NKAIN2: variants seen among roughly 807,000 people sequenced by gnomAD.
The protein encoded by NKAIN2 is sodium/potassium transporting ATPase interacting 2, also known as sodium/potassium-transporting ATPase subunit beta-1-interacting protein 2.
Under a neutral mutation model 32.6 loss-of-function variants are expected in NKAIN2, and 14 were observed. The observed-to-expected ratio is 0.43, with a 90% CI of 0.28 to 0.67. The LOEUF is 0.67. Ranked by LOEUF, NKAIN2 falls within the 30% of genes least tolerant of loss-of-function variation. The pLI is 0.17. For synonymous variants in NKAIN2, 80 were observed against 87.2 expected (o/e 0.92, Z 0.46); for missense variants, 198 against 258.3 (o/e 0.77, Z 1.60).
At chr6:123,931,689 A>T (rs902915025) in intron 1 of NKAIN2, among the ~76,000 whole-genome samples, 2 of 152,098 alleles carry the variant, frequency 1.3e-5, no homozygotes, top group Non-Finnish European at 1.5e-5. Flanking sequence ...AAAGGATTTT[A>T]GGTAGTCTAT....
intron 1 of NKAIN2, among the ~76,000 whole-genome samples, chr6:124,198,214 G>A (rs546289590): frequency 2.1e-3 from 318 of 152,068 alleles, no homozygotes; most frequent in Non-Finnish European, 2.9e-3. Flanking sequence ...CGCTGGCCCC[G>A]CTTTTAGCCA....
At chr6:123,869,593 C>T (rs984583531) in intron 1 of NKAIN2, among the ~76,000 whole-genome samples, 14 of 152,146 alleles carry the variant, frequency 9.2e-5, no homozygotes, top group African/African-American at 2.9e-4. Flanking sequence ...TACAGGGACA[C>T]GTTTGAAGTC....
chr6:124,037,897 G>T (rs183940179), intron 1 of NKAIN2, among the ~76,000 whole-genome samples: 406 of 152,274 alleles, frequency 2.7e-3, no homozygotes, highest in Middle Eastern at 6.8e-3. Flanking sequence ...CCAGGTGAAA[G>T]CCTATGTTCA....
intron 1 of NKAIN2, among the ~76,000 whole-genome samples, chr6:124,038,890 G>T (rs1455318728): frequency 6.6e-6 from 1 of 152,056 alleles, no homozygotes; most frequent in Non-Finnish European, 1.5e-5. Context: ...GTACCAGAAC[G>T]AGGGTGTTTA....
intron 3 of NKAIN2, among the ~76,000 whole-genome samples, chr6:124,438,439 T>G (rs940728969): frequency 1.3e-5 from 2 of 152,212 alleles, no homozygotes; most frequent in Non-Finnish European, 2.9e-5. Context: ...GTTTTGTTTA[T>G]TCAACCTCTA....
chr6:124,496,085 G>A (rs921739535), intron 3 of NKAIN2, among the ~76,000 whole-genome samples: 16 of 152,066 alleles, frequency 1.1e-4, no homozygotes, highest in Non-Finnish European at 1.8e-4. Context: ...CTCTGAGCAT[G>A]CTATCTCAAT....
At chr6:124,430,049 A>G (rs1775149043) in intron 3 of NKAIN2, among the ~76,000 whole-genome samples, 1 of 152,202 alleles carries the variant, frequency 6.6e-6, no homozygotes, top group African/African-American at 2.4e-5. Context: ...TGCAATAAAG[A>G]CAAATATTTC....
intron 3 of NKAIN2, among the ~76,000 whole-genome samples, chr6:124,401,179 C>T (rs980778716): frequency 4.6e-5 from 7 of 152,094 alleles, no homozygotes; most frequent in South Asian, 2.1e-4. Context: ...AAATTATGTA[C>T]CTGTCTCTCA....
chr6:124,037,416 A>C (rs377003977), intron 1 of NKAIN2, among the ~76,000 whole-genome samples: 1 of 152,126 alleles, frequency 6.6e-6, no homozygotes, highest in Non-Finnish European at 1.5e-5. Flanking sequence ...ATAAATTAGC[A>C]CCAGTGAAAC....
intron 4 of NKAIN2, among the ~76,000 whole-genome samples, chr6:124,720,903 A>G (rs1775983564): frequency 6.6e-6 from 1 of 152,246 alleles, no homozygotes; most frequent in Non-Finnish European, 1.5e-5. Context: ...CCTCAGCAGT[A>G]TAGTGGGATT....
intron 3 of NKAIN2, among the ~76,000 whole-genome samples, chr6:124,624,018 G>A (rs898799672): frequency 6.8e-5 from 10 of 146,286 alleles, no homozygotes; most frequent in African/African-American, 2.5e-4. Context: ...TTGACATCAT[G>A]TGGAAAGATA....
In NKAIN2 at chr6:124,785,663, T is replaced by C. The variant is rs569284272; in HGVS notation, c.475-5676T>C. 3.9e-5 allele frequency among the ~76,000 whole-genome samples: 6 copies of C among 152,214 alleles called. No homozygotes were observed. In the South Asian group the frequency reaches 1.2e-3, roughly 32 times the overall value. On this transcript the variant is annotated intron_variant, in intron 4 of 6. Transcript: ENST00000368417. Reference sequence around the variant, plus strand: ...AGGTGGGAAGGGCTTTTCATTAAGTTTGGGAGGCTGTGGAAGGTCCTGCCC... The same window carrying C: ...AGGTGGGAAGGGCTTTTCATTAAGTCTGGGAGGCTGTGGAAGGTCCTGCCC...
At chr6:124,068,782 G>A (rs1295258047) in intron 1 of NKAIN2, among the ~76,000 whole-genome samples, 4 of 135,284 alleles carry the variant, frequency 3.0e-5, no homozygotes, top group African/African-American at 8.2e-5. Context: ...AGCAACCACC[G>A]TAACTACACC....
At chr6:124,020,635 C>CAA (rs10686619) in intron 1 of NKAIN2, among the ~76,000 whole-genome samples, 38,714 of 151,904 alleles carry the variant, frequency 0.25, 5,744 homozygotes, top group African/African-American at 0.41. Context: ...ATTTTAAAAA[C>CAA]ATATAAAATT....
chr6:124,517,894 A>C (rs1252120439), intron 3 of NKAIN2, among the ~76,000 whole-genome samples: 2 of 152,140 alleles, frequency 1.3e-5, no homozygotes, highest in African/African-American at 2.4e-5. Flanking sequence ...AAAGCTTTCT[A>C]GGAGATGTAA....
intron 1 of NKAIN2, among the ~76,000 whole-genome samples, chr6:124,244,937 G>T (rs1793314203): frequency 6.6e-6 from 1 of 151,960 alleles, no homozygotes; most frequent in African/African-American, 2.4e-5. Context: ...CATTTGTCTA[G>T]AAATTTTGCT....
At chr6:124,481,539 C>T (rs1023241500) in intron 3 of NKAIN2, among the ~76,000 whole-genome samples, 1 of 152,154 alleles carries the variant, frequency 6.6e-6, no homozygotes, top group South Asian at 2.1e-4. Context: ...CCTGCTAATA[C>T]ATCCATTGGT....
At chr6:124,333,519 G>A (rs1797748272) in intron 2 of NKAIN2, among the ~76,000 whole-genome samples, 1 of 152,052 alleles carries the variant, frequency 6.6e-6, no homozygotes, top group Non-Finnish European at 1.5e-5. Context: ...AATTAGCTGG[G>A]CGTGGTGGTG....
intron 1 of NKAIN2, among the ~76,000 whole-genome samples, chr6:124,081,795 A>G (rs554327443): frequency 6.6e-6 from 1 of 152,128 alleles, no homozygotes; most frequent in South Asian, 2.1e-4. Flanking sequence ...TCCAGTTAAA[A>G]CATGTCTTAT....
Sources: gnomAD v4.1 joint callset for allele counts (sites outside exome capture counted in the v4.1 genomes callset) on GRCh38, gnomAD v4.1.1 for gene constraint, MANE v1.5 for transcripts, NCBI Gene and HGNC (gene_info 2026-07-23, HGNC 2026-07-21) for gene names.